Variants in SYNPR observed in about 807,000 individuals in gnomAD.
SYNPR encodes synaptoporin.
SYNPR carries 23 observed loss-of-function variants against 32.9 expected under a neutral mutation model. That is an observed-to-expected ratio of 0.70 (90% CI 0.50 to 0.99). The LOEUF (loss-of-function observed/expected upper bound fraction) is 0.99. Ranked by LOEUF, SYNPR falls within the 50% of genes least tolerant of loss-of-function variation. The pLI is 0.00. For missense variants in SYNPR, 318 were observed against 349.3 expected, an observed-to-expected ratio of 0.91 and a Z score of 0.71; for synonymous variants, 146 against 135.9, an observed-to-expected ratio of 1.07 and a Z score of -0.52.
chr3:63,408,548 A>G (rs530109079), intron 2 of SYNPR, among the ~76,000 whole-genome samples: 121 of 152,176 alleles, frequency 8.0e-4, no homozygotes, highest in Admixed American at 1.3e-3. Flanking sequence ...TTTTCAGTCC[A>G]AGGCAGAAGG....
At chr3:63,260,749 C>A (rs1337329877) in intron 2 of SYNPR, among the ~76,000 whole-genome samples, 7 of 151,788 alleles carry the variant, frequency 4.6e-5, no homozygotes, top group Admixed American at 2.6e-4. Flanking sequence ...AGAGCTTCTG[C>A]ACAGCAAAAG....
At chr3:63,234,344 G>T (rs376508843) in intron 1 of SYNPR, among the ~76,000 whole-genome samples, 2 of 152,138 alleles carry the variant, frequency 1.3e-5, no homozygotes, top group Non-Finnish European at 1.5e-5. Context: ...GGGAATTCAA[G>T]ATGAGATTTG....
chr3:63,319,832 A>T (rs2087088932), intron 2 of SYNPR, among the ~76,000 whole-genome samples: 1 of 152,046 alleles, frequency 6.6e-6, no homozygotes, highest in South Asian at 2.1e-4. Context: ...AAAGTACTAT[A>T]TCATGTTGTT....
At chr3:63,601,396 C>T (rs889541796) in intron 4 of SYNPR, among the ~76,000 whole-genome samples, 1 of 151,936 alleles carries the variant, frequency 6.6e-6, no homozygotes, top group Non-Finnish European at 1.5e-5. Flanking sequence ...GCAGATTCAT[C>T]GTATAGGTAA....
chr3:63,499,920 C>A (rs568557042), intron 3 of SYNPR, among the ~76,000 whole-genome samples: 4 of 151,698 alleles, frequency 2.6e-5, no homozygotes, highest in African/African-American at 7.3e-5. Flanking sequence ...CACACACACA[C>A]AAAAACTGTT....
At chr3:63,338,963 AAG>A (rs1430933707) in intron 2 of SYNPR, among the ~76,000 whole-genome samples, 1 of 152,168 alleles carries the variant, frequency 6.6e-6, no homozygotes, top group Non-Finnish European at 1.5e-5. Flanking sequence ...TTTTCCCTAA[AAG>A]AGACACTACT....
At chr3:63,422,337 T>A (rs1699815145) in intron 2 of SYNPR, among the ~76,000 whole-genome samples, 1 of 152,206 alleles carries the variant, frequency 6.6e-6, no homozygotes, top group Admixed American at 6.5e-5. Context: ...TTTTCCTTTT[T>A]CATTGTTCCA....
intron 2 of SYNPR, among the ~76,000 whole-genome samples, chr3:63,426,370 C>T (rs1326044953): frequency 6.6e-6 from 1 of 152,160 alleles, no homozygotes. Flanking sequence ...GCATTCTTTC[C>T]CTACTTTATG....
chr3:63,475,195 G>A (rs749265348), intron 2 of SYNPR, among the ~76,000 whole-genome samples: 1 of 152,078 alleles, frequency 6.6e-6, no homozygotes, highest in Non-Finnish European at 1.5e-5. Flanking sequence ...GCATAGAAGG[G>A]GATTCTCTGT....
chr3:63,549,294 C>T (rs560929267), intron 3 of SYNPR, among the ~76,000 whole-genome samples: 2 of 152,212 alleles, frequency 1.3e-5, no homozygotes, highest in East Asian at 3.9e-4. Context: ...ATCAGTCTAC[C>T]GTTAGATGAG....
chr3:63,444,312 C>G (rs1575647317), intron 2 of SYNPR: 1 of 152,246 alleles, frequency 6.6e-6, no homozygotes, highest in East Asian at 1.9e-4. Context: ...AAAAGATGCT[C>G]TGAATTCTTC....
At chr3:63,325,952 C>G (rs1405741093) in intron 2 of SYNPR, among the ~76,000 whole-genome samples, 2 of 151,958 alleles carry the variant, frequency 1.3e-5, no homozygotes, top group Non-Finnish European at 2.9e-5. Context: ...GTCTCCACAT[C>G]CCTGCATGTC....
At chr3:63,557,018 T>A (rs1392873261) in intron 4 of SYNPR, among the ~76,000 whole-genome samples, 1 of 152,218 alleles carries the variant, frequency 6.6e-6, no homozygotes, top group Non-Finnish European at 1.5e-5. Context: ...TGAAGCTTGC[T>A]GTAGATTTAT....
intron 5 of SYNPR, among the ~76,000 whole-genome samples, 197 bp from the exon 6 acceptor site, chr3:63,615,026 GT>G (rs1246977735): frequency 6.6e-6 from 1 of 152,168 alleles, no homozygotes; most frequent in African/African-American, 2.4e-5. Context: ...AGCCCTTTAT[GT>G]AGTGCCTGAC....
intron 3 of SYNPR, among the ~76,000 whole-genome samples, chr3:63,494,114 A>G (rs1701310565): frequency 6.6e-6 from 1 of 151,822 alleles, no homozygotes; most frequent in African/African-American, 2.4e-5. Context: ...ATTTTTAGGT[A>G]CCATAAAAAA....
chr3:63,323,062 C>T (rs1283244363), intron 2 of SYNPR, among the ~76,000 whole-genome samples: 1 of 151,894 alleles, frequency 6.6e-6, no homozygotes, highest in East Asian at 1.9e-4. Context: ...TTTCAAGATT[C>T]AGAAAAGGCA....
chr3:63,398,993 G>C (rs1005941440), intron 2 of SYNPR, among the ~76,000 whole-genome samples: 1 of 152,190 alleles, frequency 6.6e-6, no homozygotes, highest in Non-Finnish European at 1.5e-5. Context: ...AGTATCTGAT[G>C]CTCATGGAAT....
intron 2 of SYNPR, among the ~76,000 whole-genome samples, chr3:63,338,462 G>C (rs541179249): frequency 5.3e-5 from 8 of 152,280 alleles, no homozygotes; most frequent in Admixed American, 3.3e-4. Flanking sequence ...GGTAGCAATA[G>C]AGTTAAGTCT....
At chr3:63,530,129 C>A (rs1378478472) in intron 3 of SYNPR, among the ~76,000 whole-genome samples, 1 of 152,068 alleles carries the variant, frequency 6.6e-6, no homozygotes, top group African/African-American at 2.4e-5. Context: ...GTAAAAACAC[C>A]CTAGGAGATG....
Sources: gnomAD v4.1 joint callset for allele counts (sites outside exome capture counted in the v4.1 genomes callset) on GRCh38, gnomAD v4.1.1 for gene constraint, MANE v1.5 for transcripts, NCBI Gene and HGNC (gene_info 2026-07-23, HGNC 2026-07-21) for gene names.